Variants in ZFYVE9 observed in about 807,000 individuals in gnomAD.
ZFYVE9 encodes the protein zinc finger FYVE-type containing 9.
In ZFYVE9, 43 loss-of-function variants were observed where a neutral mutation model predicts 126.7. That is an observed-to-expected ratio of 0.34 (90% CI 0.27 to 0.44). ZFYVE9 has a LOEUF of 0.44. Ranked by LOEUF, ZFYVE9 falls within the 20% of genes least tolerant of loss-of-function variation. The probability of loss-of-function intolerance (pLI) is 1.00; values close to 1 mark genes in which losing one functional copy is unlikely to be tolerated. For missense variants in ZFYVE9, 1,476 were observed against 1,697.0 expected (o/e 0.87, Z 2.29); for synonymous variants, 521 against 597.4 (o/e 0.87, Z 1.87).
intron 1 of ZFYVE9, chr1:52,160,119 A>G (rs1366001903): frequency 1.8e-6 from 1 of 551,932 alleles, no homozygotes; most frequent in African/African-American, 1.9e-5. Flanking sequence ...GATTATAGAG[A>G]TTCATGAATT....
intron 10 of ZFYVE9, among the ~76,000 whole-genome samples, chr1:52,288,712 G>T (rs1389929884): frequency 6.6e-6 from 1 of 152,078 alleles, no homozygotes; most frequent in Non-Finnish European, 1.5e-5. Context: ...ATCACTTGAG[G>T]TCGTGAGTTT....
At chr1:52,322,971 A>AT (rs1048982845) in intron 13 of ZFYVE9, among the ~76,000 whole-genome samples, 6 of 151,730 alleles carry the variant, frequency 4.0e-5, no homozygotes, top group Admixed American at 1.3e-4. Flanking sequence ...CGCCCAGCTA[A>AT]TTTTTTGTAT....
At chr1:52,184,619 G>A (rs1644747871) in intron 1 of ZFYVE9, among the ~76,000 whole-genome samples, 1 of 147,042 alleles carries the variant, frequency 6.8e-6, no homozygotes, top group East Asian at 2.0e-4. Flanking sequence ...GGGCGGGGGT[G>A]GGTCCTCAAT....
intron 4 of ZFYVE9, among the ~76,000 whole-genome samples, chr1:52,250,523 A>G (rs946389918): frequency 1.3e-5 from 2 of 152,108 alleles, no homozygotes; most frequent in African/African-American, 4.8e-5. Flanking sequence ...TTTGCGGGGA[A>G]TCTTTAAGGT....
chr1:52,219,331 C>G (rs571036616), intron 2 of ZFYVE9, among the ~76,000 whole-genome samples: 3 of 152,138 alleles, frequency 2.0e-5, no homozygotes, highest in African/African-American at 7.2e-5. Context: ...ACAGATTAAA[C>G]CTTTTTGAAT....
intron 1 of ZFYVE9, among the ~76,000 whole-genome samples, chr1:52,158,260 G>T (rs1644421282): frequency 1.3e-5 from 2 of 152,168 alleles, no homozygotes; most frequent in Admixed American, 1.3e-4. Flanking sequence ...CTGGTACCCT[G>T]GCTAATTCTT....
intron 4 of ZFYVE9, among the ~76,000 whole-genome samples, chr1:52,255,836 CAG>C (rs1236806178): frequency 6.6e-6 from 1 of 151,994 alleles, no homozygotes; most frequent in Non-Finnish European, 1.5e-5. Flanking sequence ...GTCTGGGTAA[CAG>C]AGAGAGACTC....
chr1:52,302,962 T>C (rs921231502), intron 12 of ZFYVE9, among the ~76,000 whole-genome samples: 2 of 151,682 alleles, frequency 1.3e-5, no homozygotes, highest in African/African-American at 4.9e-5. Flanking sequence ...ATACAAAAAT[T>C]AGCCGAGCAT....
intron 1 of ZFYVE9, among the ~76,000 whole-genome samples, chr1:52,172,288 TTTGTCAAAGATCAGA>T (rs1427369728): frequency 6.6e-6 from 1 of 152,214 alleles, no homozygotes; most frequent in Non-Finnish European, 1.5e-5. Flanking sequence ...TTATCTCAGA[TTTGTCAAAGATCAGA>T]TAGTTGTAGA....
intron 12 of ZFYVE9, among the ~76,000 whole-genome samples, chr1:52,300,080 G>A (rs146916978): frequency 2.4e-4 from 36 of 152,248 alleles, no homozygotes; most frequent in African/African-American, 8.2e-4. Flanking sequence ...AGAGTGCTTC[G>A]CTCCCGTCTC....
chr1:52,202,699 T>G (rs139952832), intron 1 of ZFYVE9, among the ~76,000 whole-genome samples: 1 of 151,790 alleles, frequency 6.6e-6, no homozygotes, highest in Non-Finnish European at 1.5e-5. Context: ...TTTATTTATT[T>G]TTTTGAGATG....
chr1:52,311,263 T>A (rs1646134638), intron 13 of ZFYVE9, among the ~76,000 whole-genome samples: 1 of 2,168 alleles, frequency 4.6e-4, no homozygotes, highest in Admixed American at 8.8e-3. Context: ...TTGGATTGAT[T>A]TTTTTTTTTT....
Position 52,239,549 on chromosome 1 carries a change from G to A in ZFYVE9, c.2132G>A (p.Arg711Lys). The A allele has an allele frequency of 6.2e-7, 1 of 1,614,034 alleles. No homozygotes were observed. The highest frequency in any genetic ancestry group is 8.5e-7 in the Non-Finnish European group (1 of 1,179,938). Residue 711 changes from arginine to lysine, a missense_variant, in exon 4 of 19, where the codon AGG becomes AAG. Physicochemically the swap from Arg to Lys is conservative, Grantham distance 26. Coordinates refer to ENST00000287727, the MANE Select transcript of ZFYVE9 (RefSeq NM_004799.4). Reference protein sequence around the residue: ...QAPNCMKCEARFTFTKRRHHC... With the variant: ...QAPNCMKCEAKFTFTKRRHHC... ...CCAAATTGCATGAAATGTGAAGCCA[G>A]GTTTACATTCACCAAAAGGAGGCAT... is the stretch of plus-strand genomic sequence containing the variant.
intron 17 of ZFYVE9, among the ~76,000 whole-genome samples, chr1:52,341,932 A>C (rs1646440683): frequency 6.6e-6 from 1 of 152,238 alleles, no homozygotes; most frequent in Admixed American, 6.5e-5. Flanking sequence ...CTTATAAAGC[A>C]GTTTGACCTC....
intron 1 of ZFYVE9, among the ~76,000 whole-genome samples, chr1:52,154,563 A>G (rs1006979019): frequency 2.0e-5 from 3 of 152,200 alleles, no homozygotes; most frequent in African/African-American, 7.2e-5. Context: ...GGGCATTAAC[A>G]CATGAAACAA....
At chr1:52,187,689 G>A (rs748054284) in intron 1 of ZFYVE9, among the ~76,000 whole-genome samples, 1 of 152,166 alleles carries the variant, frequency 6.6e-6, no homozygotes, top group Non-Finnish European at 1.5e-5. Context: ...CGACCAACAA[G>A]CATATGAAGG....
intron 1 of ZFYVE9, among the ~76,000 whole-genome samples, chr1:52,202,075 C>T (rs1246918240): frequency 6.6e-6 from 1 of 152,160 alleles, no homozygotes; most frequent in Non-Finnish European, 1.5e-5. Flanking sequence ...TGAGCCACCG[C>T]ACACAGCCCA....
At chr1:52,332,176 A>G (rs1646348629) in intron 13 of ZFYVE9, among the ~76,000 whole-genome samples, 5 of 151,992 alleles carry the variant, frequency 3.3e-5, no homozygotes. Context: ...TACATATTAC[A>G]TGCAAAACAG....
At chr1:52,164,761 C>T (rs1171544091) in intron 1 of ZFYVE9, among the ~76,000 whole-genome samples, 1 of 152,188 alleles carries the variant, frequency 6.6e-6, no homozygotes, top group African/African-American at 2.4e-5. Flanking sequence ...ATGATTGCTG[C>T]TTTCCTTTCT....
Sources: allele counts gnomAD v4.1 joint callset (sites outside exome capture counted in the v4.1 genomes callset), GRCh38; gene constraint gnomAD v4.1.1; transcripts MANE v1.5; gene names NCBI Gene and HGNC (gene_info 2026-07-23, HGNC 2026-07-21).